The following LAIR1 variants were observed in gnomAD, a reference collection of about 807,000 sequenced individuals.
LAIR1 encodes the protein leukocyte associated immunoglobulin like receptor 1.
In LAIR1, 24 loss-of-function variants were observed where a neutral mutation model predicts 32.8. That is an observed-to-expected ratio of 0.73 (90% CI 0.53 to 1.03). The LOEUF is 1.03. Among genes scored for constraint, LAIR1 ranks in the 50% least tolerant of loss-of-function variants. The pLI, the probability that LAIR1 is intolerant of heterozygous loss-of-function variation, is 0.00. For synonymous variants in LAIR1, 150 were observed against 140.5 expected (o/e 1.07, Z -0.48); for missense variants, 355 against 347.5 (o/e 1.02, Z -0.17).
At chr19:54,360,778 A>AG (rs2081975592) in intron 3 of LAIR1, 138 bp downstream of exon 3, 38 of 654,416 alleles carry the variant, frequency 5.8e-5, no homozygotes, top group Admixed American at 1.1e-4. Context: ...GCAGAGGAAG[A>AG]AGGGGAGGGG....
At chr19:54,357,150 C>T in intron 4 of LAIR1, 184 bp from the exon 5 acceptor site, 1 of 595,180 alleles carries the variant, frequency 1.7e-6, no homozygotes, top group Non-Finnish European at 3.0e-6. Context: ...ATCTACTGTC[C>T]AGCATGAGAG....
Position 54,354,557 on chromosome 19 carries a change from GAA to G in LAIR1, c.*709_*710del, listed in dbSNP as rs1368378334. On this transcript the variant is annotated 3_prime_UTR_variant, in exon 10 of 10. Transcript: ENST00000391742. Reference sequence around the variant, plus strand: ...ATCCTGATCAATTAAATTTTAAAAAGAAAACGCTGACACGTTTTCGTAAGTCC... The same window carrying G: ...ATCCTGATCAATTAAATTTTAAAAAGAACGCTGACACGTTTTCGTAAGTCC... 1.3e-5 allele frequency: 2 copies of G among 152,198 alleles called. No homozygotes were observed. Among genetic ancestry groups the G allele is most frequent in the African/African-American group, 4.8e-5 (2 of 41,432 alleles). The allele number at this position is 152,198 out of a possible 1,614,324, so 9.4% of individuals were successfully genotyped here. A position where few individuals can be genotyped will look rare whatever the true frequency, so the allele number is the denominator to read the frequency against.
In LAIR1 at chr19:54,356,915, C is replaced by A; in HGVS notation, c.454+13G>T. On this transcript the variant is annotated intron_variant, in intron 5 of 9. Transcript: ENST00000391742. Reference sequence around the variant, plus strand: ...ACACACCAGCTTCATGCTCCACGGCCCCCATCACTCACGCTCATTGTGACT... The same window carrying A: ...ACACACCAGCTTCATGCTCCACGGCACCCATCACTCACGCTCATTGTGACT... 14 of 1,613,852 alleles carry A rather than the reference C, an allele frequency of 8.7e-6. No homozygotes were observed. The highest frequency in any genetic ancestry group is 1.2e-5 in the Non-Finnish European group (14 of 1,179,890).
chr19:54,375,504 ACAT>A (rs1372797824), upstream of LAIR1, among the ~76,000 whole-genome samples: 1 of 152,174 alleles, frequency 6.6e-6, no homozygotes, highest in Non-Finnish European at 1.5e-5. Flanking sequence ...GTCTCCTTGG[ACAT>A]CATCATCCAT....
Position 54,364,122 on chromosome 19 carries a change from G to A in LAIR1, c.70+173C>T, listed in dbSNP as rs911425695. ...GCAAAATAAGACAGGTGGAGGATGC[G>A]AGAGAGAACTGGGTGAGGGTTGGTT... is the stretch of plus-strand genomic sequence containing the variant. On this transcript the variant is annotated intron_variant, in intron 2 of 9. Transcript: ENST00000391742. The surrounding 1 kb of genome is among the most constrained non-coding windows in gnomAD (Gnocchi z 4.8). Among the ~76,000 whole-genome samples, 2 of 152,068 alleles carry A rather than the reference G, an allele frequency of 1.3e-5. No homozygotes were observed. The highest frequency in any genetic ancestry group is 6.6e-5 in the Admixed American group (1 of 15,266).
chr19:54,358,559 G>A (rs771652448), intron 4 of LAIR1: 7 of 1,610,758 alleles, frequency 4.3e-6, no homozygotes, highest in Non-Finnish European at 5.9e-6. Flanking sequence ...AAGTTCACAA[G>A]ACGGGAGGCC....
At chr19:54,358,086 G>A (rs1219509785) in intron 4 of LAIR1, 1 of 144,490 alleles carries the variant, frequency 6.9e-6, no homozygotes, top group Non-Finnish European at 1.5e-5. Flanking sequence ...AATTGTATAT[G>A]ATTTATAACT....
Position 54,356,356 on chromosome 19 carries a change from C to T in LAIR1, c.626G>A (p.Arg209Lys). 6.3e-7 allele frequency: 1 copy of T among 1,595,734 alleles called. No homozygotes were observed. The highest frequency in any genetic ancestry group is 8.5e-7 in the Non-Finnish European group (1 of 1,171,252). ...SKDEEQKPQQ[R>K]PDLAVDVLER... ...CAGGAGTCATTCCCAGGGGCCTCAC[C>T]TCTGCTGTGGCTTCTGCTCCTCGTC... is the stretch of plus-strand genomic sequence containing the variant. Residue 209 changes from arginine to lysine, a missense_variant and splice_region_variant, in exon 7 of 10, where the codon AGG (arginine) becomes AAG (lysine). Transcript: ENST00000391742.
chr19:54,360,748 AG>A (rs138368366), intron 3 of LAIR1, 167 bp downstream of exon 3: 607,058 of 634,810 alleles, frequency 0.96, 294,582 homozygotes, highest in Non-Finnish European at 0.98. Flanking sequence ...AGCAGGTGTG[AG>A]GGCAGAGGGG....
At chr19:54,358,908 T>C (rs2081868502) in intron 4 of LAIR1, among the ~76,000 whole-genome samples, 1 of 151,906 alleles carries the variant, frequency 6.6e-6, no homozygotes, top group South Asian at 2.1e-4. Flanking sequence ...TCGTGACCTT[T>C]ATATGTCACT....
upstream of LAIR1, among the ~76,000 whole-genome samples, chr19:54,371,958 A>G (rs1330442535): frequency 6.6e-6 from 1 of 151,606 alleles, no homozygotes; most frequent in African/African-American, 2.4e-5. Context: ...TCTCCTCCAC[A>G]TCTTTTCATG....
chr19:54,374,085 T>C (rs7259643), upstream of LAIR1, among the ~76,000 whole-genome samples: 4,299 of 151,850 alleles, frequency 0.028, 222 homozygotes, highest in African/African-American at 0.097. Flanking sequence ...TAAGGGTAAG[T>C]ACAGAATTTT....
upstream of LAIR1, chr19:54,364,941 A>G: frequency 6.4e-7 from 1 of 1,561,902 alleles, no homozygotes. This position sits in a 1 kb window ranked among gnomAD's most constrained non-coding sequence, Gnocchi z 4.8. Flanking sequence ...TGCCTCACAC[A>G]AGAGGAAGAG....
At chr19:54,365,781 T>TA (rs143572464), upstream of LAIR1, among the ~76,000 whole-genome samples, 10,078 of 131,608 alleles carry the variant, frequency 0.077, 696 homozygotes, top group African/African-American at 0.16. Context: ...AGACTCTGTC[T>TA]AAAAAAAAAA....
upstream of LAIR1, among the ~76,000 whole-genome samples, chr19:54,367,767 ATT>A (rs774147516): frequency 1.5e-5 from 2 of 129,488 alleles, no homozygotes; most frequent in Non-Finnish European, 3.2e-5. Flanking sequence ...ATTTTTTTTA[ATT>A]TTTTTTTTTT....
upstream of LAIR1, chr19:54,368,597 A>G (rs568274220): frequency 3.3e-5 from 5 of 152,180 alleles, no homozygotes; most frequent in Non-Finnish European, 7.3e-5. Flanking sequence ...CAACATATCC[A>G]AGATTTTCTT....
chr19:54,356,194 C>T, intron 8 of LAIR1, 36 bp downstream of exon 8: 1 of 1,591,866 alleles, frequency 6.3e-7, no homozygotes, highest in South Asian at 1.1e-5. Context: ...TCCCCACTTC[C>T]CCATCCCAGG....
Position 54,355,108 on chromosome 19 carries a change from G to A in LAIR1, c.*160C>T, listed in dbSNP as rs2081634572. 4.5e-6 allele frequency: 3 copies of A among 674,080 alleles called. No individual in the cohort carries two copies. In the South Asian group the frequency reaches 6.0e-5, roughly 13 times the overall value. The allele number at this position is 674,080 out of a possible 1,614,324, so 41.8% of individuals were successfully genotyped here. A position where few individuals can be genotyped will look rare whatever the true frequency, so the allele number is the denominator to read the frequency against. The stretch of plus-strand genomic sequence containing the variant: ...CTGGCTAACGAACCTTCTGGATGCT[G>A]GTTAGAAACCTCCAGTCTCCAGCTC... On this transcript the variant is annotated 3_prime_UTR_variant, in exon 10 of 10. Coordinates refer to ENST00000391742, the MANE Select transcript of LAIR1 (RefSeq NM_002287.6). This position sits in a 1 kb window ranked among gnomAD's most constrained non-coding sequence, Gnocchi z 4.7.
chr19:54,355,450 G>A lies in LAIR1; in HGVS notation c.718-36C>T, dbSNP rs1443453047. 7 of 1,557,602 alleles carry A rather than the reference G, an allele frequency of 4.5e-6. No individual in the cohort carries two copies. Among genetic ancestry groups the A allele is most frequent in the South Asian group, 1.2e-5 (1 of 82,260 alleles). On this transcript the variant is annotated intron_variant, in intron 9 of 9. Transcript: ENST00000391742. This position sits in a 1 kb window ranked among gnomAD's most constrained non-coding sequence, Gnocchi z 4.7. The stretch of plus-strand genomic sequence containing the variant: ...GAGACCCAGGGTGAGGGAGTGCCTG[G>A]TGGAGGGTGAGACGAGGGGCTGTGG...
Sources: allele counts gnomAD v4.1 joint callset (sites outside exome capture counted in the v4.1 genomes callset), GRCh38; gene constraint gnomAD v4.1.1; non-coding constraint Gnocchi (gnomAD v3.1); transcripts MANE v1.5; gene names NCBI Gene and HGNC (gene_info 2026-07-23, HGNC 2026-07-21).